ATP8B3: variants seen among roughly 807,000 people sequenced by gnomAD.
ATP8B3 encodes phospholipid-transporting ATPase IK.
A neutral mutation model predicts 140.9 loss-of-function variants in ATP8B3; 141 were observed. The observed-to-expected ratio is 1.00, with a 90% CI of 0.87 to 1.15. ATP8B3 has a LOEUF of 1.15. Ranked by LOEUF, ATP8B3 falls within the 50% of genes most tolerant of loss-of-function variation. The pLI, the probability that ATP8B3 is intolerant of heterozygous loss-of-function variation, is 0.00. For synonymous variants in ATP8B3, 765 were observed against 714.6 expected (o/e 1.07, Z -1.13); for missense variants, 1,874 against 1,740.6 (o/e 1.08, Z -1.36).
rs1396510542 is a variant in ATP8B3, at chr19:1,782,883, C to G, written c.*145G>C. On this transcript the variant is annotated 3_prime_UTR_variant, in exon 29 of 29. Transcript: ENST00000310127. Reference sequence around the variant, plus strand: ...CTGGTGAGCACATATTTGGGGAGGGCAGGTTGGTTTTCTGGATGAAGAGCG... The same window carrying G: ...CTGGTGAGCACATATTTGGGGAGGGGAGGTTGGTTTTCTGGATGAAGAGCG... 9.5e-7 allele frequency: 1 copy of G among 1,058,156 alleles called. No individual in the cohort carries two copies. Among genetic ancestry groups the G allele is most frequent in the South Asian group, 1.6e-5 (1 of 61,708 alleles). The allele number at this position is 1,058,156 out of a possible 1,614,324, so 65.5% of individuals were successfully genotyped here.
intron 16 of ATP8B3, 144 bp from the exon 17 acceptor site, chr19:1,796,409 G>T: frequency 1.2e-6 from 1 of 848,008 alleles, no homozygotes; most frequent in Non-Finnish European, 1.8e-6. Flanking sequence ...AATGCATGGA[G>T]GTGAGCACTT....
At position 1,799,946 on chromosome 19, in the gene ATP8B3, C is replaced by T; in HGVS notation, c.1552+1G>A. The T allele has an allele frequency of 3.1e-6, 5 of 1,591,748 alleles. No individual in the cohort carries two copies. Among genetic ancestry groups the T allele is most frequent in the Non-Finnish European group, 4.3e-6 (5 of 1,169,526 alleles). On this transcript the variant is annotated splice_donor_variant, in intron 14 of 28. Transcript: ENST00000310127. LOFTEE classifies it high-confidence loss of function. ...TGGGAGCTCAGGTGTCGGGGCCGCA[C>T]CATAGACGCGGCCGCTGATGCAGCA... is the stretch of plus-strand genomic sequence containing the variant.
At chr19:1,802,772 A>G in intron 10 of ATP8B3, 127 bp from the exon 11 acceptor site, 3 of 1,153,862 alleles carry the variant, frequency 2.6e-6, no homozygotes, top group Non-Finnish European at 3.6e-6. Context: ...AACTTGCCCT[A>G]TGGTGCCCCA....
chr19:1,788,764 T>G, intron 24 of ATP8B3, 133 bp downstream of exon 24: 2 of 836,566 alleles, frequency 2.4e-6, no homozygotes, highest in Non-Finnish European at 3.7e-6. Context: ...CCTTGCCATG[T>G]GGCCTCAGGC....
chr19:1,791,706 C>T, intron 20 of ATP8B3, 44 bp downstream of exon 20: 1 of 1,457,006 alleles, frequency 6.9e-7, no homozygotes, highest in Non-Finnish European at 9.6e-7. Context: ...GTTTGAAGAC[C>T]CATGCTGCAG....
At chr19:1,783,700 GT>G (rs2068223547) in intron 28 of ATP8B3, among the ~76,000 whole-genome samples, 1 of 152,222 alleles carries the variant, frequency 6.6e-6, no homozygotes, top group South Asian at 2.1e-4. Flanking sequence ...TGCCCAGCCT[GT>G]GCAGTAAAGG....
At chr19:1,796,585 C>T (rs910151113) in intron 16 of ATP8B3, 126 bp downstream of exon 16, 68 of 1,257,706 alleles carry the variant, frequency 5.4e-5, no homozygotes, top group Middle Eastern at 2.8e-4. Context: ...GGTGTCACAC[C>T]GGCCTCAGCG....
chr19:1,805,652 C>CAGGGCCT lies in ATP8B3; in HGVS notation c.822-203_822-197dup, dbSNP rs150791588. ...CAGCACATTTGCAAAGTGCTGAGGC[C>CAGGGCCT]AGGGCCTAGGGCCTAGGGCCTCCTG... On this transcript the variant is annotated intron_variant, in intron 9 of 28. Transcript: ENST00000310127. The surrounding 1 kb of genome is among the most constrained non-coding windows in gnomAD (Gnocchi z 5.2). Among the ~76,000 whole-genome samples, 86 of 150,250 alleles carry CAGGGCCT rather than the reference C, an allele frequency of 5.7e-4. No homozygotes were observed. Among genetic ancestry groups the CAGGGCCT allele is most frequent in the African/African-American group, 2.1e-3 (85 of 41,452 alleles).
rs1163423438 is a variant in ATP8B3, at chr19:1,790,107, T to A, written c.2379-118A>T. The A allele has an allele frequency of 1.1e-5, 6 of 561,470 alleles. No individual in the cohort carries two copies. The East Asian group carries it at 2.0e-4, about 19-fold the overall frequency. 34.8% of individuals were successfully genotyped at this position (561,470 alleles called of 1,614,324 possible). ...CCCACTCCCCCACCCCTGCCCCTTC[T>A]CCTCCCCACTTCCCTCTTCCCCTCC... is the stretch of plus-strand genomic sequence containing the variant. On this transcript the variant is annotated intron_variant, in intron 21 of 28. Coordinates refer to ENST00000310127, the MANE Select transcript of ATP8B3 (RefSeq NM_138813.4).
At position 1,807,928 on chromosome 19, in the gene ATP8B3, C is replaced by T. The variant is rs911546358; in HGVS notation, c.516+294G>A. 2.0e-5 allele frequency among the ~76,000 whole-genome samples: 3 copies of T among 152,350 alleles called. No homozygotes were observed. The highest frequency in any genetic ancestry group is 2.1e-4 in the South Asian group (1 of 4,834). The stretch of plus-strand genomic sequence containing the variant: ...GCCAGGGGAGCTGCGTGGCCGAGGC[C>T]GTTTAGGCTGGGGAACAGCTATGCC... On this transcript the variant is annotated intron_variant, in intron 5 of 28. Transcript: ENST00000310127. The surrounding 1 kb of genome is among the most constrained non-coding windows in gnomAD (Gnocchi z 5.9).
At chr19:1,789,333 C>G in intron 23 of ATP8B3, 28 bp downstream of exon 23, 1 of 1,470,108 alleles carries the variant, frequency 6.8e-7, no homozygotes, top group East Asian at 2.5e-5. Flanking sequence ...TCGTCCCAGG[C>G]ACCCCCAGCC....
rs2145188429 is a variant in ATP8B3, at chr19:1,795,862, T to C, written c.2055+13A>G. 1.3e-6 allele frequency: 2 copies of C among 1,528,402 alleles called. No homozygotes were observed. The highest frequency in any genetic ancestry group is 3.5e-5 in the Admixed American group (2 of 57,634). The allele number at this position is 1,528,402 out of a possible 1,614,324, so 94.7% of individuals were successfully genotyped here. The stretch of plus-strand genomic sequence containing the variant: ...ACACACACACATAAGCCAGCCTTCC[T>C]GAAGGGACTCACAGCCAAGGCCTCC... On this transcript the variant is annotated intron_variant, in intron 18 of 28. Transcript: ENST00000310127.
chr19:1,807,442 C>G lies in ATP8B3; in HGVS notation c.517-176G>C, dbSNP rs1278963930. The stretch of plus-strand genomic sequence containing the variant: ...CCCTCGGGACAAACGCCCCGGCATC[C>G]CTCCACCTGCCTGGAACTTCTCCCA... On this transcript the variant is annotated intron_variant, in intron 5 of 28. Transcript: ENST00000310127. This position sits in a 1 kb window ranked among gnomAD's most constrained non-coding sequence, Gnocchi z 5.9. 6.6e-6 allele frequency among the ~76,000 whole-genome samples: 1 copy of G among 152,138 alleles called. No homozygotes were observed. The highest frequency in any genetic ancestry group is 2.4e-5 in the African/African-American group (1 of 41,420).
intron 24 of ATP8B3, 27 bp downstream of exon 24, chr19:1,788,870 A>G: frequency 6.4e-7 from 1 of 1,553,064 alleles, no homozygotes. Flanking sequence ...GGCCCTGGTC[A>G]TGGGGCAGCC....
At chr19:1,789,313 C>T in intron 23 of ATP8B3, 48 bp downstream of exon 23, 1 of 1,449,452 alleles carries the variant, frequency 6.9e-7, no homozygotes, top group Non-Finnish European at 9.1e-7. Context: ...CTCCGTCAGC[C>T]GCCCCCCACT....
In ATP8B3 at chr19:1,796,062, G is replaced by A; in HGVS notation, c.1942+15C>T. On this transcript the variant is annotated intron_variant, in intron 17 of 28. Coordinates refer to ENST00000310127, the MANE Select transcript of ATP8B3 (RefSeq NM_138813.4). Reference sequence around the variant, plus strand: ...CCCACCTTGGGGGGCCCAGGGCTTGGGTGGCGGGGCTCACCCAGCACCGAC... The same window carrying A: ...CCCACCTTGGGGGGCCCAGGGCTTGAGTGGCGGGGCTCACCCAGCACCGAC... 1.2e-6 allele frequency: 2 copies of A among 1,612,268 alleles called. No individual in the cohort carries two copies. Among genetic ancestry groups the A allele is most frequent in the South Asian group, 1.1e-5 (1 of 91,066 alleles).
chr19:1,796,868 G>T lies in ATP8B3; in HGVS notation c.1596C>A (p.Tyr532Ter). The change falls in exon 16 of 29, where the codon TAC becomes TAA. Residue 532 changes from tyrosine (Y) to a stop codon, truncating the protein, a stop_gained. Coordinates refer to ENST00000310127, the MANE Select transcript of ATP8B3 (RefSeq NM_138813.4). LOFTEE classifies it high-confidence loss of function. ...TCCCGTCGGCGAACTTGTTCCAGAG[G>T]TAGGGGTTCTCCTGGGGGTGGCGGG... Reference protein sequence around the residue: ...EATTRPKENPYLWNKFADGKL... With the variant: ...EATTRPKENP The T allele has an allele frequency of 6.2e-7, 1 of 1,612,124 alleles. No individual in the cohort carries two copies. The highest frequency in any genetic ancestry group is 8.5e-7 in the Non-Finnish European group (1 of 1,179,320).
At position 1,811,759 on chromosome 19, in the gene ATP8B3, G is replaced by T. The variant is rs1194234730; in HGVS notation, c.-23C>A. The T allele has an allele frequency of 6.4e-7, 1 of 1,562,942 alleles. No homozygotes were observed. Among genetic ancestry groups the T allele is most frequent in the Admixed American group, 1.7e-5 (1 of 57,198 alleles). Reference sequence around the variant, plus strand: ...CATTCACCGCATGAGGAAAAGGGAGGTTCAGGGCGAAGAGGGGTTTAGGCT... The same window carrying T: ...CATTCACCGCATGAGGAAAAGGGAGTTTCAGGGCGAAGAGGGGTTTAGGCT... On this transcript the variant is annotated 5_prime_UTR_variant, in exon 2 of 29. Coordinates refer to ENST00000310127, the MANE Select transcript of ATP8B3 (RefSeq NM_138813.4).
In ATP8B3 at chr19:1,806,556, C is replaced by CA. The variant is rs2069027528; in HGVS notation, c.677+71_677+72insT. ...GAGCACGGAAGGTGATGGACACTTG[C>CA]CGAGGCCGATGACCCTGCTGGGCTG... is the stretch of plus-strand genomic sequence containing the variant. On this transcript the variant is annotated intron_variant, in intron 7 of 28. Transcript: ENST00000310127. This position sits in a 1 kb window ranked among gnomAD's most constrained non-coding sequence, Gnocchi z 5.6. 6.5e-7 allele frequency: 1 copy of CA among 1,542,334 alleles called. No individual in the cohort carries two copies. The highest frequency in any genetic ancestry group is 1.4e-5 in the African/African-American group (1 of 72,996).
Sources: allele counts gnomAD v4.1 joint callset (sites outside exome capture counted in the v4.1 genomes callset), GRCh38; gene constraint gnomAD v4.1.1; non-coding constraint Gnocchi (gnomAD v3.1); transcripts MANE v1.5; gene names NCBI Gene and HGNC (gene_info 2026-07-23, HGNC 2026-07-21).